FRMD4A: variants seen among roughly 807,000 people sequenced by gnomAD.
FRMD4A encodes FERM domain containing 4A, also known as FERM domain-containing protein 4A.
A neutral mutation model predicts 129.1 loss-of-function variants in FRMD4A; 29 were observed. That is an observed-to-expected ratio of 0.22 (90% CI 0.17 to 0.31). The LOEUF (loss-of-function observed/expected upper bound fraction) is 0.31. Among genes scored for constraint, FRMD4A ranks in the 10% least tolerant of loss-of-function variants. The probability of loss-of-function intolerance (pLI) is 1.00; values close to 1 mark genes in which losing one functional copy is unlikely to be tolerated. For missense variants in FRMD4A, 1,272 were observed against 1,375.8 expected (o/e 0.92, Z 1.19); for synonymous variants, 634 against 571.6 (o/e 1.11, Z -1.56).
intron 2 of FRMD4A, among the ~76,000 whole-genome samples, chr10:14,089,026 A>C (rs1290058059): frequency 1.3e-5 from 2 of 152,096 alleles, no homozygotes; most frequent in African/African-American, 4.8e-5. Flanking sequence ...GGCGAAGATA[A>C]GCGCAGGGGT....
intron 6 of FRMD4A, among the ~76,000 whole-genome samples, chr10:13,771,309 T>A (rs1391352367): frequency 6.6e-6 from 1 of 152,076 alleles, no homozygotes; most frequent in Non-Finnish European, 1.5e-5. Context: ...ACTCCTGGCC[T>A]CAAGCCAACT....
At chr10:13,807,363 T>C (rs1158084605) in intron 4 of FRMD4A, among the ~76,000 whole-genome samples, 3 of 152,240 alleles carry the variant, frequency 2.0e-5, no homozygotes, top group Non-Finnish European at 4.4e-5. Context: ...GTTAGTAATA[T>C]AATGCCAATG....
rs190142690 is a variant in FRMD4A at position 14,257,069 on chromosome 10, C to T, written c.45+72989G>A. Among the ~76,000 whole-genome samples, 66 of 152,222 alleles carry T rather than the reference C, an allele frequency of 4.3e-4. No homozygotes were observed. The East Asian group carries it at 9.9e-3, about 23-fold the overall frequency. ...ACTGGCTGGGTGTAGTGGCTCACAC[C>T]TGTAATCCCGGCACTTTGGGAGGCC... is the stretch of plus-strand genomic sequence containing the variant. On this transcript the variant is annotated intron_variant, in intron 2 of 24. Coordinates refer to ENST00000357447, the MANE Select transcript of FRMD4A (RefSeq NM_018027.5).
At chr10:14,175,097 G>C (rs1841668869) in intron 2 of FRMD4A, among the ~76,000 whole-genome samples, 1 of 152,130 alleles carries the variant, frequency 6.6e-6, no homozygotes, top group African/African-American at 2.4e-5. Flanking sequence ...TATGCTTGAG[G>C]AATTTTCTCT....
At chr10:13,693,495 G>A in intron 15 of FRMD4A, 2 of 1,161,968 alleles carry the variant, frequency 1.7e-6, no homozygotes, top group South Asian at 1.7e-5. Context: ...GGAGTAGAAT[G>A]CAGTGTCTCC....
At chr10:14,100,691 A>C (rs1173810465) in intron 2 of FRMD4A, among the ~76,000 whole-genome samples, 1 of 152,166 alleles carries the variant, frequency 6.6e-6, no homozygotes, top group East Asian at 1.9e-4. Flanking sequence ...AGATTATTTC[A>C]TGCTGAAAAT....
chr10:14,129,408 A>ATATAT lies in FRMD4A; in HGVS notation c.45+200649_45+200650insATATA, dbSNP rs1491249191. Reference sequence around the variant, plus strand: ...TATATATATATATATATATATATATAAAAAATATGAGCTGTAGAACATACT... The same window carrying ATATAT: ...TATATATATATATATATATATATATATATATAAAAATATGAGCTGTAGAACATACT... On this transcript the variant is annotated intron_variant, in intron 2 of 24. Coordinates refer to ENST00000357447, the MANE Select transcript of FRMD4A (RefSeq NM_018027.5). 1.9e-3 allele frequency among the ~76,000 whole-genome samples: 194 copies of ATATAT among 103,096 alleles called. 11 individuals carry two copies. The highest frequency in any genetic ancestry group is 4.7e-3 in the South Asian group (16 of 3,418). 67.6% of individuals were successfully genotyped at this position (103,096 alleles called of 152,430 possible). A position where few individuals can be genotyped will look rare whatever the true frequency, so the allele number is the denominator to read the frequency against.
At chr10:13,849,320 C>G (rs2094107008) in intron 3 of FRMD4A, among the ~76,000 whole-genome samples, 1 of 152,202 alleles carries the variant, frequency 6.6e-6, no homozygotes, top group Admixed American at 6.5e-5. Flanking sequence ...GATGGCAGAC[C>G]TGGAGCACGC....
intron 3 of FRMD4A, among the ~76,000 whole-genome samples, chr10:13,852,708 T>C (rs1016539215): frequency 6.6e-6 from 1 of 152,228 alleles, no homozygotes; most frequent in African/African-American, 2.4e-5. Context: ...TGATTTATAC[T>C]TGCTCACAGC....
chr10:13,955,094 C>T (rs2095401344), intron 2 of FRMD4A, among the ~76,000 whole-genome samples: 2 of 137,590 alleles, frequency 1.5e-5, no homozygotes, highest in African/African-American at 2.7e-5. Context: ...CTCTTCCAAC[C>T]CCATGTTAAT....
chr10:13,929,885 T>C (rs1023533724), intron 2 of FRMD4A, among the ~76,000 whole-genome samples: 1 of 152,162 alleles, frequency 6.6e-6, no homozygotes, highest in African/African-American at 2.4e-5. Context: ...ATCTATCAAA[T>C]GGGCATAAAT....
intron 2 of FRMD4A, among the ~76,000 whole-genome samples, chr10:13,911,814 G>A (rs1429756461): frequency 2.6e-5 from 4 of 152,046 alleles, no homozygotes; most frequent in Non-Finnish European, 5.9e-5. Context: ...CACCTGCCTC[G>A]GCCTCCCAAA....
intron 2 of FRMD4A, among the ~76,000 whole-genome samples, chr10:14,160,237 T>C (rs1211491522): frequency 6.6e-6 from 1 of 152,102 alleles, no homozygotes; most frequent in Admixed American, 6.5e-5. Flanking sequence ...CTTTAATAAA[T>C]GGCCCTGGGA....
chr10:14,287,946 C>T (rs75522594), intron 2 of FRMD4A, among the ~76,000 whole-genome samples: 1 of 152,032 alleles, frequency 6.6e-6, no homozygotes, highest in African/African-American at 2.4e-5. Context: ...GGCTTACACG[C>T]TAACCATATG....
At chr10:14,316,455 A>G (rs1846741739) in intron 2 of FRMD4A, among the ~76,000 whole-genome samples, 1 of 149,188 alleles carries the variant, frequency 6.7e-6, no homozygotes, top group South Asian at 2.1e-4. Flanking sequence ...CTGTGAAAAA[A>G]TAGATTTATG....
chr10:14,185,354 A>C (rs1452674445), intron 2 of FRMD4A, among the ~76,000 whole-genome samples: 1 of 152,226 alleles, frequency 6.6e-6, no homozygotes, highest in Non-Finnish European at 1.5e-5. Flanking sequence ...CCATAGTGAG[A>C]GATCTGTGTG....
At chr10:13,681,558 G>A (rs991884738) in intron 15 of FRMD4A, among the ~76,000 whole-genome samples, 2 of 151,834 alleles carry the variant, frequency 1.3e-5, no homozygotes, top group African/African-American at 2.4e-5. Flanking sequence ...ATATATATAT[G>A]TATGTATATA....
At chr10:13,704,088 T>C (rs1489094334) in intron 13 of FRMD4A, among the ~76,000 whole-genome samples, 1 of 152,184 alleles carries the variant, frequency 6.6e-6, no homozygotes, top group African/African-American at 2.4e-5. Flanking sequence ...CCATGTTCTA[T>C]GCATGTAACG....
At chr10:13,716,858 T>C (rs922260262) in intron 12 of FRMD4A, among the ~76,000 whole-genome samples, 1 of 152,214 alleles carries the variant, frequency 6.6e-6, no homozygotes, top group Non-Finnish European at 1.5e-5. Flanking sequence ...TTTTCTTGTG[T>C]GTATTTTGGC....
Sources: gnomAD v4.1 joint callset for allele counts (sites outside exome capture counted in the v4.1 genomes callset) on GRCh38, gnomAD v4.1.1 for gene constraint, MANE v1.5 for transcripts, NCBI Gene and HGNC (gene_info 2026-07-23, HGNC 2026-07-21) for gene names.